CNTNAP2: variants seen among roughly 807,000 people sequenced by gnomAD.
CNTNAP2 encodes the protein contactin-associated protein-like 2.
CNTNAP2 carries 98 observed loss-of-function variants against 155.2 expected under a neutral mutation model. That is an observed-to-expected ratio of 0.63 (90% CI 0.54 to 0.75). The LOEUF (loss-of-function observed/expected upper bound fraction) is 0.75, where lower values mean the gene tolerates loss of function less well. Ranked by LOEUF, CNTNAP2 falls within the 30% of genes least tolerant of loss-of-function variation. The pLI is 0.00. For synonymous variants in CNTNAP2, 651 were observed against 631.2 expected (o/e 1.03, Z -0.47); for missense variants, 1,727 against 1,688.1 (o/e 1.02, Z -0.40).
intron 1 of CNTNAP2, among the ~76,000 whole-genome samples, chr7:146,451,823 C>A (rs1189217075): frequency 1.5e-5 from 1 of 65,240 alleles, no homozygotes; most frequent in African/African-American, 1.3e-4. Context: ...TATATATATA[C>A]GTATATATAT....
intron 9 of CNTNAP2, among the ~76,000 whole-genome samples, chr7:147,365,322 A>G (rs368334910): frequency 6.9e-6 from 1 of 145,496 alleles, no homozygotes; most frequent in African/African-American, 2.5e-5. Context: ...TTGCAGTGAG[A>G]CGAGACCAGG....
At chr7:147,925,697 G>A (rs1421031251) in intron 14 of CNTNAP2, among the ~76,000 whole-genome samples, 2 of 152,096 alleles carry the variant, frequency 1.3e-5, no homozygotes, top group African/African-American at 2.4e-5. Context: ...TCCTGACCTC[G>A]TGATCCACCC....
chr7:148,281,137 G>C (rs983359481), intron 21 of CNTNAP2, among the ~76,000 whole-genome samples: 3 of 152,172 alleles, frequency 2.0e-5, no homozygotes, highest in African/African-American at 7.2e-5. Context: ...CTAGCCAGTA[G>C]AGATTAGGAA....
intron 9 of CNTNAP2, among the ~76,000 whole-genome samples, chr7:147,304,991 GAGCAC>G (rs1196479188): frequency 1.3e-5 from 2 of 152,028 alleles, no homozygotes; most frequent in African/African-American, 4.8e-5. Flanking sequence ...GAAAGACAGA[GAGCAC>G]ACACTCTTAA....
At chr7:146,484,005 G>A (rs73164044) in intron 1 of CNTNAP2, among the ~76,000 whole-genome samples, 31,170 of 152,082 alleles carry the variant, frequency 0.2, 4,093 homozygotes, top group Admixed American at 0.37. Flanking sequence ...AGTCATGTAA[G>A]CTCCGTTCAT....
intron 3 of CNTNAP2, 83 bp downstream of exon 3, chr7:146,839,987 G>A: frequency 7.0e-7 from 1 of 1,434,658 alleles, no homozygotes; most frequent in South Asian, 1.2e-5. Context: ...AGCATATATA[G>A]TTATCAATAT....
chr7:146,995,045 A>C (rs1324947567), intron 3 of CNTNAP2, among the ~76,000 whole-genome samples: 3 of 151,970 alleles, frequency 2.0e-5, no homozygotes, highest in Non-Finnish European at 4.4e-5. Flanking sequence ...CTTCTATGAG[A>C]TCATTTGTTT....
intron 10 of CNTNAP2, among the ~76,000 whole-genome samples, chr7:147,452,857 G>C (rs930790482): frequency 5.9e-5 from 9 of 151,800 alleles, no homozygotes; most frequent in African/African-American, 2.2e-4. Context: ...GGAAAGGAAG[G>C]GGACAGAGTG....
At chr7:147,945,349 A>G (rs1800799746) in intron 14 of CNTNAP2, among the ~76,000 whole-genome samples, 2 of 152,190 alleles carry the variant, frequency 1.3e-5, no homozygotes, top group Admixed American at 1.3e-4. Context: ...AATTAAGAAG[A>G]AAAGAAAAAA....
chr7:147,112,518 G>A (rs1448313290), intron 5 of CNTNAP2, among the ~76,000 whole-genome samples: 1 of 152,106 alleles, frequency 6.6e-6, no homozygotes, highest in South Asian at 2.1e-4. Context: ...GTCATAGATG[G>A]CTCTTACTAT....
At chr7:147,972,131 A>G (rs1241553637) in intron 14 of CNTNAP2, among the ~76,000 whole-genome samples, 3 of 152,066 alleles carry the variant, frequency 2.0e-5, no homozygotes, top group Non-Finnish European at 4.4e-5. Flanking sequence ...TCATGTGTTT[A>G]TGTTGTATTT....
At chr7:146,618,861 G>GGAGT (rs1799270559) in intron 1 of CNTNAP2, among the ~76,000 whole-genome samples, 1 of 152,084 alleles carries the variant, frequency 6.6e-6, no homozygotes, top group Non-Finnish European at 1.5e-5. Context: ...CCTGAGGTCA[G>GGAGT]GAGTTCAAGA....
chr7:146,404,137 A>AC, intron 1 of CNTNAP2, among the ~76,000 whole-genome samples: 1 of 149,170 alleles, frequency 6.7e-6, no homozygotes, highest in Non-Finnish European at 1.5e-5. Flanking sequence ...AAAAAAAAAA[A>AC]AAAAACAAAG....
rs142341454 is a variant in CNTNAP2, at chr7:148,386,400, C to T, written c.3715+2512C>T. 2.1e-3 allele frequency among the ~76,000 whole-genome samples: 324 copies of T among 152,106 alleles called. 1 individual carries two copies. Among genetic ancestry groups the T allele is most frequent in the African/African-American group, 7.4e-3 (307 of 41,514 alleles). ...AAAATTAGCTGGGCGTGGTGGCGCA[C>T]GCCTGTAATCCCAGCTCCTCAGGAG... On this transcript the variant is annotated intron_variant, in intron 22 of 23. Coordinates refer to ENST00000361727, the MANE Select transcript of CNTNAP2 (RefSeq NM_014141.6).
intron 18 of CNTNAP2, among the ~76,000 whole-genome samples, chr7:148,185,901 T>C (rs985313909): frequency 1.3e-5 from 2 of 152,248 alleles, no homozygotes; most frequent in African/African-American, 4.8e-5. Flanking sequence ...TAAGTTAAAA[T>C]GTTATCTTCT....
At chr7:147,065,535 C>G (rs1799762387) in intron 4 of CNTNAP2, among the ~76,000 whole-genome samples, 1 of 152,072 alleles carries the variant, frequency 6.6e-6, no homozygotes, top group African/African-American at 2.4e-5. Flanking sequence ...TTGTTGGTTG[C>G]CAACTAGCTG....
At chr7:148,316,467 T>C (rs1797691859) in intron 21 of CNTNAP2, among the ~76,000 whole-genome samples, 1 of 152,156 alleles carries the variant, frequency 6.6e-6, no homozygotes, top group Non-Finnish European at 1.5e-5. Context: ...GGCACCAGAC[T>C]CTAGGAAGGA....
chr7:147,442,404 A>C (rs1797657560), intron 10 of CNTNAP2, among the ~76,000 whole-genome samples: 1 of 152,260 alleles, frequency 6.6e-6, no homozygotes, highest in Non-Finnish European at 1.5e-5. Context: ...CCTTCAGGGA[A>C]GTGGGCTCCC....
intron 13 of CNTNAP2, among the ~76,000 whole-genome samples, chr7:147,767,441 C>A (rs1797399272): frequency 6.6e-6 from 1 of 152,000 alleles, no homozygotes; most frequent in African/African-American, 2.4e-5. Context: ...ATGGATGCCA[C>A]AAATGTAAGT....
Sources: gnomAD v4.1 joint callset for allele counts (sites outside exome capture counted in the v4.1 genomes callset) on GRCh38, gnomAD v4.1.1 for gene constraint, MANE v1.5 for transcripts, NCBI Gene and HGNC (gene_info 2026-07-23, HGNC 2026-07-21) for gene names.